STK39: variants seen among roughly 807,000 people sequenced by gnomAD.
STK39 encodes the protein STE20/SPS1-related proline-alanine-rich protein kinase.
STK39 carries 20 observed loss-of-function variants against 77.8 expected under a neutral mutation model. That is an observed-to-expected ratio of 0.26 (90% CI 0.18 to 0.37). The LOEUF is 0.37. STK39 is among the 10% of genes least tolerant of loss of function. The pLI, the probability that STK39 is intolerant of heterozygous loss-of-function variation, is 1.00. For missense variants in STK39, 479 were observed against 656.5 expected (o/e 0.73, Z 2.95); for synonymous variants, 246 against 234.1 (o/e 1.05, Z -0.47).
At chr2:167,956,583 G>C (rs1334046423) in intron 17 of STK39, among the ~76,000 whole-genome samples, 1 of 144,910 alleles carries the variant, frequency 6.9e-6, no homozygotes, top group Admixed American at 6.8e-5. Context: ...AAAAAAGGAA[G>C]CCATTTCCCT....
chr2:168,087,408 A>G (rs1202085762), intron 10 of STK39, among the ~76,000 whole-genome samples: 1 of 152,238 alleles, frequency 6.6e-6, no homozygotes, highest in African/African-American at 2.4e-5. Context: ...ATTGCTGTGA[A>G]GGCATTTGTT....
chr2:167,988,549 C>G (rs961980125), intron 16 of STK39, among the ~76,000 whole-genome samples: 3 of 151,650 alleles, frequency 2.0e-5, no homozygotes, highest in Admixed American at 2.0e-4. Context: ...AAAAGCAAAG[C>G]TGTTTTGAGG....
At chr2:168,136,151 G>A (rs983599345) in intron 8 of STK39, among the ~76,000 whole-genome samples, 8 of 151,952 alleles carry the variant, frequency 5.3e-5, no homozygotes, top group South Asian at 4.1e-4. Context: ...GGCGAATCAC[G>A]AGGTCAGGAG....
chr2:168,073,730 G>A (rs1307765832), intron 12 of STK39, among the ~76,000 whole-genome samples: 1 of 152,072 alleles, frequency 6.6e-6, no homozygotes, highest in South Asian at 2.1e-4. Flanking sequence ...CCGGGTTCGA[G>A]CAATTCTCGT....
intron 3 of STK39, among the ~76,000 whole-genome samples, chr2:168,164,947 G>A (rs2105592450): frequency 6.6e-6 from 1 of 152,128 alleles, no homozygotes; most frequent in South Asian, 2.1e-4. Context: ...TTTGGCTCTA[G>A]GCTCTTTATA....
rs1369388982 is a variant in STK39 at position 168,041,680 on chromosome 2, C to T, written c.1376+21820G>A. 4.6e-5 allele frequency among the ~76,000 whole-genome samples: 7 copies of T among 152,318 alleles called. No individual in the cohort carries two copies. In the East Asian group the frequency reaches 9.6e-4, roughly 21 times the overall value. On this transcript the variant is annotated intron_variant, in intron 14 of 17. Coordinates refer to ENST00000355999, the MANE Select transcript of STK39 (RefSeq NM_013233.3). ...TTTAGATGGTGGTCAGAACTCCTAA[C>T]TTGGACTAACTGCTATTCTTTCCCT...
chr2:168,016,985 A>G, intron 15 of STK39, 58 bp downstream of exon 15: 1 of 1,359,490 alleles, frequency 7.4e-7, no homozygotes, highest in Non-Finnish European at 1.0e-6. Context: ...ACATGCTTGT[A>G]ATCAATTTCT....
In STK39 at chr2:168,012,635, T is replaced by A. The variant is rs765158099; in HGVS notation, c.1497A>T (p.Ile499=). ...AGLVDGHDVV[I]VAANLQKIVD... Reference sequence around the variant, plus strand: ...AGTGCATACTAAAAAACAATTTACCTATAACTACATCGTGACCATCCACCA... The same window carrying A: ...AGTGCATACTAAAAAACAATTTACCAATAACTACATCGTGACCATCCACCA... The change falls in exon 16 of 18, where the codon ATA becomes ATT. Residue 499 remains isoleucine (I), a splice_region_variant and synonymous_variant. Transcript: ENST00000355999. 1.2e-6 allele frequency: 2 copies of A among 1,613,310 alleles called. No homozygotes were observed. The highest frequency in any genetic ancestry group is 3.3e-5 in the Admixed American group (2 of 59,972).
At chr2:168,090,465 G>A (rs969138168) in intron 10 of STK39, among the ~76,000 whole-genome samples, 4 of 152,164 alleles carry the variant, frequency 2.6e-5, no homozygotes, top group African/African-American at 9.7e-5. Flanking sequence ...GGGATATGAA[G>A]AAAAAGAAAA....
chr2:167,999,850 G>A (rs151338907), intron 16 of STK39, among the ~76,000 whole-genome samples: 33 of 152,260 alleles, frequency 2.2e-4, no homozygotes, highest in African/African-American at 6.5e-4. Flanking sequence ...GGCTCCTCCC[G>A]CTACTTCTGC....
intron 14 of STK39, among the ~76,000 whole-genome samples, chr2:168,054,358 C>T (rs1037239): frequency 0.78 from 118,554 of 152,222 alleles, 46,551 homozygotes; most frequent in African/African-American, 0.86. Context: ...CTTAATCTCC[C>T]ACATGTGAAA....
At chr2:168,039,653 G>A (rs921633888) in intron 14 of STK39, among the ~76,000 whole-genome samples, 2 of 152,000 alleles carry the variant, frequency 1.3e-5, no homozygotes, top group Non-Finnish European at 2.9e-5. Flanking sequence ...GCCAGAGGTG[G>A]AGGGAGGAAT....
chr2:168,076,430 C>T (rs1054017613), intron 10 of STK39, among the ~76,000 whole-genome samples: 1 of 152,276 alleles, frequency 6.6e-6, no homozygotes, highest in Non-Finnish European at 1.5e-5. Flanking sequence ...AGTTGCATCA[C>T]AGGAGCTTCA....
chr2:168,073,398 A>C (rs16854638), intron 12 of STK39, among the ~76,000 whole-genome samples: 3,146 of 152,332 alleles, frequency 0.021, 113 homozygotes, highest in African/African-American at 0.072. Flanking sequence ...TTATGTTGTT[A>C]TATTTCTCAG....
intron 15 of STK39, among the ~76,000 whole-genome samples, chr2:168,015,592 T>C (rs1002862976): frequency 6.6e-6 from 1 of 152,236 alleles, no homozygotes. Flanking sequence ...GACAGGGCCA[T>C]GTTACCCACA....
intron 10 of STK39, among the ~76,000 whole-genome samples, chr2:168,122,289 G>A (rs889643934): frequency 6.6e-6 from 1 of 152,080 alleles, no homozygotes; most frequent in Admixed American, 6.6e-5. Flanking sequence ...TGCGGCATTT[G>A]GTTTTCTGTT....
chr2:168,140,262 C>T (rs200303371), intron 7 of STK39, 27 bp downstream of exon 7: 15 of 1,551,054 alleles, frequency 9.7e-6, no homozygotes, highest in East Asian at 2.2e-5. Flanking sequence ...ATTTCAACCC[C>T]GATGTAGTAT....
At chr2:168,167,768 G>T (rs968882772) in intron 2 of STK39, among the ~76,000 whole-genome samples, 24 of 152,140 alleles carry the variant, frequency 1.6e-4, no homozygotes, top group Non-Finnish European at 3.5e-4. Context: ...ATAAAAGACT[G>T]GGTGAGTTAC....
In STK39 at chr2:168,148,875, G is replaced by A. The variant is rs115451714; in HGVS notation, c.629-8117C>T. ...AGCCATGTTTCCGCTCCAAAGAGGTGCTTTAAAATTGAACAGGCCTGAATG... is the reference window on the plus strand; with the variant it reads ...AGCCATGTTTCCGCTCCAAAGAGGTACTTTAAAATTGAACAGGCCTGAATG... On this transcript the variant is annotated intron_variant, in intron 5 of 17. Transcript: ENST00000355999. Among the ~76,000 whole-genome samples, 287 of 152,278 alleles carry A rather than the reference G, an allele frequency of 1.9e-3. 1 individual carries two copies. Among genetic ancestry groups the A allele is most frequent in the African/African-American group, 6.6e-3 (275 of 41,586 alleles).
Sources: allele counts gnomAD v4.1 joint callset (sites outside exome capture counted in the v4.1 genomes callset), GRCh38; gene constraint gnomAD v4.1.1; transcripts MANE v1.5; gene names NCBI Gene and HGNC (gene_info 2026-07-23, HGNC 2026-07-21).